The following KHDRBS2 variants were observed in gnomAD, a reference collection of about 807,000 sequenced individuals.
KHDRBS2 encodes the protein KH domain-containing, RNA-binding, signal transduction-associated protein 2.
In KHDRBS2, 26 loss-of-function variants were observed where a neutral mutation model predicts 44.3. The observed-to-expected ratio is 0.59, with a 90% CI of 0.43 to 0.81. The LOEUF is 0.81. Among genes scored for constraint, KHDRBS2 ranks in the 40% least tolerant of loss-of-function variants. The probability of loss-of-function intolerance (pLI) is 0.00; values close to 1 mark genes in which losing one functional copy is unlikely to be tolerated. For missense variants in KHDRBS2, 476 were observed against 433.1 expected, an observed-to-expected ratio of 1.10 and a Z score of -0.88; for synonymous variants, 194 against 151.1, an observed-to-expected ratio of 1.28 and a Z score of -2.08.
At chr6:61,625,436 G>A in the KHDRBS2 span, among the ~76,000 whole-genome samples, 1 of 150,826 alleles carries the variant, frequency 6.6e-6, no homozygotes, top group African/African-American at 2.4e-5. Flanking sequence ...AAGAGAATCT[G>A]ATGCAAGAAT....
chr6:61,912,881 A>G (rs1409144587), intron 4 of KHDRBS2, among the ~76,000 whole-genome samples: 4 of 152,278 alleles, frequency 2.6e-5, no homozygotes, highest in South Asian at 2.1e-4. Context: ...GGCTCCTTTC[A>G]GTTCTTGGAT....
At chr6:62,152,651 C>G (rs1003508469) in intron 2 of KHDRBS2, among the ~76,000 whole-genome samples, 5 of 152,148 alleles carry the variant, frequency 3.3e-5, no homozygotes, top group African/African-American at 9.7e-5. Flanking sequence ...TATTATTAAA[C>G]ATGATGATGA....
intron 2 of KHDRBS2, among the ~76,000 whole-genome samples, chr6:62,160,993 G>A (rs1585004547): frequency 6.6e-6 from 1 of 152,152 alleles, no homozygotes; most frequent in East Asian, 1.9e-4. Context: ...CCGCTGCCAA[G>A]ACCCTGGAGG....
intron 6 of KHDRBS2, among the ~76,000 whole-genome samples, chr6:61,780,026 CAT>C (rs1484870302): frequency 1.3e-5 from 2 of 152,050 alleles, no homozygotes; most frequent in Non-Finnish European, 2.9e-5. Context: ...TAAAAACAGA[CAT>C]GTGAGAAGTA....
chr6:61,693,958 A>G (rs1466958956), intron 8 of KHDRBS2, among the ~76,000 whole-genome samples: 1 of 152,146 alleles, frequency 6.6e-6, no homozygotes, highest in East Asian at 1.9e-4. Flanking sequence ...GACATTTCAA[A>G]ATGTAAATAA....
chr6:61,834,225 A>T (rs951690794), intron 6 of KHDRBS2, among the ~76,000 whole-genome samples: 7 of 152,046 alleles, frequency 4.6e-5, no homozygotes, highest in Non-Finnish European at 8.8e-5. Context: ...TCAAATAAAG[A>T]GAGCTATTTG....
At chr6:61,965,759 C>A (rs114287166) in intron 4 of KHDRBS2, among the ~76,000 whole-genome samples, 27 of 151,974 alleles carry the variant, frequency 1.8e-4, no homozygotes, top group Non-Finnish European at 3.7e-4. Flanking sequence ...TAAGTTAAGG[C>A]ATTTTCTTGC....
chr6:61,640,353 C>T, the KHDRBS2 span, among the ~76,000 whole-genome samples: 1 of 152,064 alleles, frequency 6.6e-6, no homozygotes, highest in Non-Finnish European at 1.5e-5. Flanking sequence ...AATAATCTTT[C>T]AGTCATTCAT....
chr6:61,764,520 C>T (rs1487545566), intron 6 of KHDRBS2, among the ~76,000 whole-genome samples: 3 of 152,016 alleles, frequency 2.0e-5, no homozygotes, highest in East Asian at 3.9e-4. Context: ...CCTATTTATC[C>T]ACAACCTTGC....
intron 2 of KHDRBS2, among the ~76,000 whole-genome samples, chr6:62,078,639 G>A (rs1796806600): frequency 6.6e-6 from 1 of 151,952 alleles, no homozygotes; most frequent in South Asian, 2.1e-4. Flanking sequence ...TTGAAGTCAT[G>A]ACAGAAATTG....
At chr6:62,117,422 A>G (rs896422944) in intron 2 of KHDRBS2, among the ~76,000 whole-genome samples, 1 of 152,110 alleles carries the variant, frequency 6.6e-6, no homozygotes, top group Non-Finnish European at 1.5e-5. Context: ...TGTCTATTCA[A>G]TCATTTCAAA....
intron 1 of KHDRBS2, among the ~76,000 whole-genome samples, chr6:62,247,626 T>C (rs975729636): frequency 1.3e-5 from 2 of 152,040 alleles, no homozygotes; most frequent in African/African-American, 4.8e-5. Context: ...CTCACTGTGT[T>C]GTCTTAGGTT....
At chr6:62,180,582 T>C (rs1433138637) in intron 1 of KHDRBS2, among the ~76,000 whole-genome samples, 1 of 151,824 alleles carries the variant, frequency 6.6e-6, no homozygotes, top group East Asian at 1.9e-4. Context: ...TGTTTATAGA[T>C]TGGAAGAATT....
At chr6:61,673,225 T>C in the KHDRBS2 span, among the ~76,000 whole-genome samples, 11 of 152,076 alleles carry the variant, frequency 7.2e-5, no homozygotes, top group African/African-American at 2.7e-4. Flanking sequence ...TTGGTACCAG[T>C]ACCATGCTGT....
chr6:61,744,991 A>G (rs1776662897), intron 6 of KHDRBS2, among the ~76,000 whole-genome samples: 1 of 152,202 alleles, frequency 6.6e-6, no homozygotes, highest in African/African-American at 2.4e-5. Context: ...TACAAGTTTC[A>G]AAGCTCATCT....
At chr6:61,925,554 A>G (rs1808793994) in intron 4 of KHDRBS2, among the ~76,000 whole-genome samples, 4 of 152,038 alleles carry the variant, frequency 2.6e-5, no homozygotes, top group Non-Finnish European at 5.9e-5. Context: ...TGTCTCTAAC[A>G]AAATTTTTAA....
intron 1 of KHDRBS2, among the ~76,000 whole-genome samples, chr6:62,245,626 C>A (rs1475815996): frequency 6.6e-6 from 1 of 152,016 alleles, no homozygotes; most frequent in South Asian, 2.1e-4. Flanking sequence ...TGTGCCAATG[C>A]CAGTCTGTTG....
intron 3 of KHDRBS2, among the ~76,000 whole-genome samples, chr6:62,026,874 C>T (rs879028216): frequency 6.6e-6 from 1 of 152,046 alleles, no homozygotes; most frequent in Non-Finnish European, 1.5e-5. Context: ...TTTTTTCAGC[C>T]TAATTTTTTT....
chr6:61,637,808 G>GT, the KHDRBS2 span, among the ~76,000 whole-genome samples: 4 of 152,098 alleles, frequency 2.6e-5, no homozygotes, highest in Non-Finnish European at 5.9e-5. Flanking sequence ...TTTTTCATGT[G>GT]TTTTTTGGCA....
Sources: allele counts gnomAD v4.1 joint callset (sites outside exome capture counted in the v4.1 genomes callset), GRCh38; gene constraint gnomAD v4.1.1; transcripts MANE v1.5; gene names NCBI Gene and HGNC (gene_info 2026-07-23, HGNC 2026-07-21).